The following RALGPS1 variants were observed in gnomAD, a reference collection of about 807,000 sequenced individuals.
The protein encoded by RALGPS1 is ras-specific guanine nucleotide-releasing factor RalGPS1.
In RALGPS1, 19 loss-of-function variants were observed where a neutral mutation model predicts 78.8. The observed-to-expected ratio is 0.24, with a 90% CI of 0.17 to 0.35. The LOEUF (loss-of-function observed/expected upper bound fraction) is 0.35, where lower values mean the gene tolerates loss of function less well. RALGPS1 is among the 10% of genes least tolerant of loss of function. RALGPS1 has a pLI of 1.00. For synonymous variants in RALGPS1, 228 were observed against 256.3 expected, an observed-to-expected ratio of 0.89 and a Z score of 1.06; for missense variants, 454 against 688.3, an observed-to-expected ratio of 0.66 and a Z score of 3.81.
At chr9:127,093,842 C>T (rs370515639) in intron 8 of RALGPS1, 7 of 1,613,996 alleles carry the variant, frequency 4.3e-6, no homozygotes, top group African/African-American at 2.7e-5. Flanking sequence ...CTGCATGAGG[C>T]GGTTGGTGTT....
At chr9:126,987,114 AC>A (rs956374180) in intron 4 of RALGPS1, among the ~76,000 whole-genome samples, 4 of 152,034 alleles carry the variant, frequency 2.6e-5, no homozygotes, top group Admixed American at 2.6e-4. Flanking sequence ...AGGAGGTGAT[AC>A]CTGTGTAGCA....
intron 2 of RALGPS1, 136 bp downstream of exon 2, chr9:126,962,482 GC>G: frequency 1.2e-6 from 1 of 852,674 alleles, no homozygotes; most frequent in Non-Finnish European, 1.9e-6. Context: ...AAGGCCCCTG[GC>G]CATGCCAGGC....
At chr9:127,179,685 G>A (rs976645863) in intron 11 of RALGPS1, among the ~76,000 whole-genome samples, 10 of 152,192 alleles carry the variant, frequency 6.6e-5, no homozygotes, top group African/African-American at 2.4e-4. Context: ...CATTTTAGTC[G>A]GGGAACCAGG....
chr9:127,010,248 C>G lies in RALGPS1; in HGVS notation c.217-24183C>G, dbSNP rs116743942. 5.9e-3 allele frequency among the ~76,000 whole-genome samples: 897 copies of G among 152,284 alleles called. 18 individuals carry two copies. The highest frequency in any genetic ancestry group is 0.02 in the African/African-American group (851 of 41,548). ...GGCTCTAGTTGTTCATCTCTCTCCT[C>G]TTTGTCCTTCCTCATCGCTTTCTCC... On this transcript the variant is annotated intron_variant, in intron 4 of 18. Coordinates refer to ENST00000259351, the MANE Select transcript of RALGPS1 (RefSeq NM_014636.3).
Position 127,196,163 on chromosome 9 carries a change from A to G in RALGPS1, c.1038-311A>G, listed in dbSNP as rs567688105. Among the ~76,000 whole-genome samples, 7 of 152,378 alleles carry G rather than the reference A, an allele frequency of 4.6e-5. No homozygotes were observed. In the South Asian group the frequency reaches 1.2e-3, roughly 27 times the overall value. On this transcript the variant is annotated intron_variant, in intron 12 of 18. Transcript: ENST00000259351. The stretch of plus-strand genomic sequence containing the variant: ...GAGCAGACATCCTGGCCACAGGCCC[A>G]CTGCTGCTCACCTGTGCAGCCTCAT...
At chr9:127,004,722 G>T (rs2043672099) in intron 4 of RALGPS1, among the ~76,000 whole-genome samples, 1 of 152,120 alleles carries the variant, frequency 6.6e-6, no homozygotes, top group Admixed American at 6.5e-5. Context: ...ATATTGTGAA[G>T]CTTACATAAT....
chr9:127,119,060 C>T (rs979431332), intron 8 of RALGPS1, among the ~76,000 whole-genome samples: 2 of 152,106 alleles, frequency 1.3e-5, no homozygotes, highest in African/African-American at 4.8e-5. Flanking sequence ...GCTCTGCCCC[C>T]ACTGAGCTGG....
At chr9:127,081,407 A>T (rs980634606) in intron 8 of RALGPS1, among the ~76,000 whole-genome samples, 11 of 152,116 alleles carry the variant, frequency 7.2e-5, no homozygotes, top group Non-Finnish European at 1.3e-4. Flanking sequence ...CACTGCCCTG[A>T]TTGATGAGGA....
intron 7 of RALGPS1, among the ~76,000 whole-genome samples, 194 bp downstream of exon 7, chr9:127,053,133 G>A (rs1207941690): frequency 6.6e-6 from 1 of 152,232 alleles, no homozygotes; most frequent in Non-Finnish European, 1.5e-5. Flanking sequence ...AGGGAATGGT[G>A]AAGGTGCTGA....
intron 1 of RALGPS1, among the ~76,000 whole-genome samples, chr9:126,958,142 A>AATATATATATATAT (rs1554765218): frequency 1.3e-5 from 1 of 77,106 alleles, no homozygotes; most frequent in African/African-American, 4.1e-5. Flanking sequence ...AAAAAAAAAA[A>AATATATATATATAT]ATATATATAT....
intron 18 of RALGPS1, among the ~76,000 whole-genome samples, chr9:127,217,966 G>A (rs527248663): frequency 6.6e-6 from 1 of 152,256 alleles, no homozygotes; most frequent in Admixed American, 6.5e-5. Context: ...TTGCTATAGT[G>A]AACAGTACTG....
At chr9:126,986,633 A>G (rs1162942860) in intron 4 of RALGPS1, among the ~76,000 whole-genome samples, 2 of 152,226 alleles carry the variant, frequency 1.3e-5, no homozygotes, top group Non-Finnish European at 2.9e-5. Context: ...TCTAAATGTC[A>G]GAACTGTTTT....
intron 5 of RALGPS1, among the ~76,000 whole-genome samples, chr9:127,042,774 C>G (rs993866864): frequency 3.3e-5 from 5 of 151,900 alleles, no homozygotes; most frequent in Non-Finnish European, 5.9e-5. Context: ...TAGAAAATTC[C>G]AAAGAAATCT....
intron 1 of RALGPS1, among the ~76,000 whole-genome samples, chr9:126,926,580 T>C (rs773677324): frequency 6.6e-6 from 1 of 152,100 alleles, no homozygotes; most frequent in Admixed American, 6.6e-5. Flanking sequence ...TTGGGGTCAG[T>C]TCACAGAGGG....
intron 14 of RALGPS1, among the ~76,000 whole-genome samples, chr9:127,202,604 G>C (rs1200476855): frequency 6.6e-6 from 1 of 152,128 alleles, no homozygotes; most frequent in Non-Finnish European, 1.5e-5. Context: ...CAGGGCCTGT[G>C]GGGTCGGGGA....
chr9:127,218,578 A>G lies in RALGPS1; in HGVS notation c.1645-162A>G, dbSNP rs571852801. Among the ~76,000 whole-genome samples, 1 of 152,278 alleles carries G rather than the reference A, an allele frequency of 6.6e-6. No individual in the cohort carries two copies. The highest frequency in any genetic ancestry group is 6.5e-5 in the Admixed American group (1 of 15,296). ...GAGCAGTGCCTGGCACGCAGCTGCC[A>G]CTTCACATGGGGTGGCTATTGTTAT... On this transcript the variant is annotated intron_variant, in intron 18 of 18. Coordinates refer to ENST00000259351, the MANE Select transcript of RALGPS1 (RefSeq NM_014636.3). The surrounding 1 kb of genome is among the most constrained non-coding windows in gnomAD (Gnocchi z 4.4).
chr9:127,150,980 G>A (rs973332344), intron 8 of RALGPS1, among the ~76,000 whole-genome samples: 2 of 152,056 alleles, frequency 1.3e-5, no homozygotes, highest in African/African-American at 2.4e-5. Flanking sequence ...TCAGGAAATC[G>A]AGACCATCCT....
At chr9:126,935,821 G>A (rs1370258893) in intron 1 of RALGPS1, among the ~76,000 whole-genome samples, 1 of 152,196 alleles carries the variant, frequency 6.6e-6, no homozygotes, top group Non-Finnish European at 1.5e-5. Context: ...GAGTTGGACT[G>A]GACTCAAGGT....
chr9:127,047,390 CAT>C (rs1256049029), intron 5 of RALGPS1, among the ~76,000 whole-genome samples: 1 of 152,060 alleles, frequency 6.6e-6, no homozygotes, highest in African/African-American at 2.4e-5. Context: ...AAGAGACAAA[CAT>C]GTTCTATATA....
Sources: allele counts gnomAD v4.1 joint callset (sites outside exome capture counted in the v4.1 genomes callset), GRCh38; gene constraint gnomAD v4.1.1; non-coding constraint Gnocchi (gnomAD v3.1); transcripts MANE v1.5; gene names NCBI Gene and HGNC (gene_info 2026-07-23, HGNC 2026-07-21).